The following CDH13 variants were observed in gnomAD, a reference collection of about 807,000 sequenced individuals.
CDH13 encodes cadherin-13.
In CDH13, 24 loss-of-function variants were observed where a neutral mutation model predicts 63.8. The ratio of observed to expected loss-of-function variants is 0.38; its 90% CI spans 0.27 to 0.53. The LOEUF is 0.53. CDH13 is among the 20% of genes least tolerant of loss of function. CDH13 has a pLI of 0.85. For missense variants in CDH13, 1,049 were observed against 903.1 expected (o/e 1.16, Z -2.07); for synonymous variants, 503 against 355.3 (o/e 1.42, Z -4.67).
At chr16:83,557,387 C>G (rs1223588716) in intron 7 of CDH13, among the ~76,000 whole-genome samples, 4 of 152,166 alleles carry the variant, frequency 2.6e-5, no homozygotes, top group African/African-American at 9.7e-5. Flanking sequence ...CCAAAACCAT[C>G]CCCACTCTGG....
At chr16:82,856,117 C>T (rs6565074) in intron 1 of CDH13, among the ~76,000 whole-genome samples, 64,312 of 151,886 alleles carry the variant, frequency 0.42, 13,903 homozygotes, top group East Asian at 0.74. Context: ...TGGCTCACAC[C>T]TGTAATCCCA....
intron 4 of CDH13, among the ~76,000 whole-genome samples, chr16:83,179,233 C>G (rs959572806): frequency 6.6e-6 from 1 of 152,072 alleles, no homozygotes; most frequent in Non-Finnish European, 1.5e-5. Context: ...ATCCACATTT[C>G]CCAGAAGACC....
At chr16:82,634,224 G>A (rs931743789) in intron 1 of CDH13, among the ~76,000 whole-genome samples, 1 of 152,250 alleles carries the variant, frequency 6.6e-6, no homozygotes, top group African/African-American at 2.4e-5. Context: ...GGAATGGAAG[G>A]AAGGAATGTG....
intron 5 of CDH13, among the ~76,000 whole-genome samples, chr16:83,269,523 C>T (rs947536313): frequency 1.3e-5 from 2 of 152,064 alleles, no homozygotes; most frequent in African/African-American, 2.4e-5. Flanking sequence ...TGAGTTGTTC[C>T]TGGAAGGTAC....
At position 83,265,727 on chromosome 16, in the gene CDH13, C is replaced by CTTTTTTTTTTTTTTTT. The variant is rs71272416; in HGVS notation, c.636+48241_636+48256dup. Among the ~76,000 whole-genome samples, 13 of 42,570 alleles carry CTTTTTTTTTTTTTTTT rather than the reference C, an allele frequency of 3.1e-4. 3 individuals carry two copies. The highest frequency in any genetic ancestry group is 1.0e-3 in the East Asian group (2 of 1,976). The allele number at this position is 42,570 out of a possible 152,430, so 27.9% of individuals were successfully genotyped here. A position where few individuals can be genotyped will look rare whatever the true frequency, so the allele number is the denominator to read the frequency against. On this transcript the variant is annotated intron_variant, in intron 5 of 13. Coordinates refer to ENST00000567109, the MANE Select transcript of CDH13 (RefSeq NM_001257.5). Reference sequence around the variant, plus strand: ...GTTTTCTGTTGCTTCTAAATTTCTGCTTTTTTTTTTTTTTTTTTTTTTTTT... The same window carrying CTTTTTTTTTTTTTTTT: ...GTTTTCTGTTGCTTCTAAATTTCTGCTTTTTTTTTTTTTTTTTTTTTTTTTTTTTTTTTTTTTTTTT...
intron 10 of CDH13, among the ~76,000 whole-genome samples, chr16:83,728,199 G>T (rs942893867): frequency 1.4e-4 from 22 of 152,234 alleles, no homozygotes; most frequent in African/African-American, 4.3e-4. Context: ...CGACCACAGG[G>T]TTTAAGTCTT....
At chr16:83,593,672 C>T (rs1906977511) in intron 7 of CDH13, among the ~76,000 whole-genome samples, 1 of 151,828 alleles carries the variant, frequency 6.6e-6, no homozygotes, top group South Asian at 2.1e-4. Context: ...AATATGTAAT[C>T]ATATTTATGT....
chr16:83,216,376 G>T (rs1359916904), intron 4 of CDH13, among the ~76,000 whole-genome samples: 1 of 85,684 alleles, frequency 1.2e-5, no homozygotes, highest in African/African-American at 3.7e-5. Flanking sequence ...AAATAATAAT[G>T]TCCTCTGCCT....
intron 1 of CDH13, among the ~76,000 whole-genome samples, chr16:82,656,071 C>T (rs974054809): frequency 7.2e-5 from 11 of 152,046 alleles, no homozygotes; most frequent in African/African-American, 2.2e-4. Context: ...ACTCTGATTT[C>T]GATTTGGAAG....
rs1904307930 is a variant in CDH13, at chr16:83,799,965, T to G, written c.*4935T>G. ...TTATATAATTTAAGAAGAGTCAGTC[T>G]ATAATTTAAGCAGAAATAATTGAGA... On this transcript the variant is annotated 3_prime_UTR_variant, in exon 14 of 14. Coordinates refer to ENST00000567109, the MANE Select transcript of CDH13 (RefSeq NM_001257.5). 6.6e-6 allele frequency: 1 copy of G among 152,098 alleles called. No homozygotes were observed. Among genetic ancestry groups the G allele is most frequent in the Non-Finnish European group, 1.5e-5 (1 of 68,018 alleles). 9.4% of individuals were successfully genotyped at this position (152,098 alleles called of 1,614,324 possible).
intron 2 of CDH13, among the ~76,000 whole-genome samples, chr16:82,902,201 C>T (rs923810372): frequency 1.3e-5 from 2 of 152,094 alleles, no homozygotes; most frequent in Non-Finnish European, 2.9e-5. Flanking sequence ...TCATGATATG[C>T]GTAAATGTGC....
chr16:83,392,678 T>C (rs1005724065), intron 6 of CDH13, among the ~76,000 whole-genome samples: 25 of 152,148 alleles, frequency 1.6e-4, no homozygotes, highest in Non-Finnish European at 1.0e-4. Context: ...AGTCGTGATA[T>C]AAAACAAGAA....
In CDH13 at chr16:83,095,412, G is replaced by T. The variant is rs192300423; in HGVS notation, c.367-29973G>T. On this transcript the variant is annotated intron_variant, in intron 3 of 13. Transcript: ENST00000567109. ...TTTTATCATCTTGTGCTGGCAATTTGTAAACATCATCAGTGATAAAGTACT... is the reference window on the plus strand; with the variant it reads ...TTTTATCATCTTGTGCTGGCAATTTTTAAACATCATCAGTGATAAAGTACT... 8.5e-4 allele frequency among the ~76,000 whole-genome samples: 130 copies of T among 152,276 alleles called. 1 individual carries two copies. The highest frequency in any genetic ancestry group is 2.8e-3 in the African/African-American group (115 of 41,566).
chr16:83,230,728 G>T (rs545094114), intron 5 of CDH13, among the ~76,000 whole-genome samples: 39 of 152,268 alleles, frequency 2.6e-4, no homozygotes, highest in African/African-American at 8.7e-4. Flanking sequence ...TGGAGGTAGT[G>T]GTGAGCCAAG....
chr16:83,768,213 T>C (rs920856311), intron 11 of CDH13, among the ~76,000 whole-genome samples: 66 of 152,314 alleles, frequency 4.3e-4, no homozygotes, highest in African/African-American at 1.5e-3. Flanking sequence ...TAGTTATGTC[T>C]ATTAATGACA....
At chr16:83,312,221 G>A (rs146044894) in intron 5 of CDH13, among the ~76,000 whole-genome samples, 4 of 152,148 alleles carry the variant, frequency 2.6e-5, no homozygotes, top group East Asian at 1.9e-4. Flanking sequence ...CAGATGAGCC[G>A]GCTCAGTCTG....
chr16:83,574,713 C>T (rs12923625), intron 7 of CDH13, among the ~76,000 whole-genome samples: 51,864 of 152,040 alleles, frequency 0.34, 8,937 homozygotes, highest in Middle Eastern at 0.41. Flanking sequence ...CTTCGCGAAT[C>T]ACGACCAAGT....
At chr16:83,519,530 TTAACTA>T in intron 7 of CDH13, among the ~76,000 whole-genome samples, 1 of 152,362 alleles carries the variant, frequency 6.6e-6, no homozygotes, top group Non-Finnish European at 1.5e-5. Flanking sequence ...ATTAGCCACT[TTAACTA>T]TAATACCTTG....
intron 7 of CDH13, among the ~76,000 whole-genome samples, chr16:83,600,590 T>C (rs1258214388): frequency 6.6e-6 from 1 of 152,222 alleles, no homozygotes; most frequent in Non-Finnish European, 1.5e-5. Flanking sequence ...TTTTTGTTCC[T>C]TGCTTCCTGT....
Sources: allele counts gnomAD v4.1 joint callset (sites outside exome capture counted in the v4.1 genomes callset), GRCh38; gene constraint gnomAD v4.1.1; transcripts MANE v1.5; gene names NCBI Gene and HGNC (gene_info 2026-07-23, HGNC 2026-07-21).